Variants in PER3 observed in about 807,000 individuals in gnomAD.
PER3 encodes the protein period circadian regulator 3.
PER3 carries 107 observed loss-of-function variants against 127.2 expected under a neutral mutation model. The ratio of observed to expected loss-of-function variants is 0.84; its 90% confidence interval spans 0.72 to 0.99. The LOEUF is 0.99. PER3 is among the 50% of genes least tolerant of loss of function. The pLI, the probability that PER3 is intolerant of heterozygous loss-of-function variation, is 0.00. For missense variants in PER3, 1,560 were observed against 1,525.8 expected, an observed-to-expected ratio of 1.02 and a Z score of -0.37; for synonymous variants, 618 against 585.8, an observed-to-expected ratio of 1.05 and a Z score of -0.79.
Position 7,842,658 on chromosome 1 carries a change from G to T in PER3, c.3550-14G>T. Reference sequence around the variant, plus strand: ...TGACATCAAGTAACTCGCCTGCTTTGTTCTTTTTTGGAGGCCTGTGTCACT... The same window carrying T: ...TGACATCAAGTAACTCGCCTGCTTTTTTCTTTTTTGGAGGCCTGTGTCACT... On this transcript the variant is annotated splice_polypyrimidine_tract_variant and intron_variant, in intron 21 of 21. Transcript: ENST00000377532. 1 of 1,612,898 alleles carries T rather than the reference G, an allele frequency of 6.2e-7. No individual in the cohort carries two copies. The highest frequency in any genetic ancestry group is 8.5e-7 in the Non-Finnish European group (1 of 1,179,196).
chr1:7,798,094 G>C (rs2097153917), intron 6 of PER3, among the ~76,000 whole-genome samples: 1 of 152,224 alleles, frequency 6.6e-6, no homozygotes, highest in Non-Finnish European at 1.5e-5. Flanking sequence ...TTGGTTCTTA[G>C]AGAGTGTAGA....
At chr1:7,786,685 C>T (rs1049902193) in intron 3 of PER3, 36 bp from the exon 4 acceptor site, 1 of 1,058,494 alleles carries the variant, frequency 9.4e-7, no homozygotes, top group Non-Finnish European at 1.5e-6. Flanking sequence ...ATACTGTTGT[C>T]ACTGGACTAC....
intron 19 of PER3, among the ~76,000 whole-genome samples, chr1:7,835,428 G>A (rs1303702683): frequency 2.6e-5 from 4 of 152,296 alleles, no homozygotes; most frequent in East Asian, 1.9e-4. Context: ...AGACTAAGAC[G>A]TTATTAACAC....
At chr1:7,814,626 A>G (rs1243443242) in intron 13 of PER3, among the ~76,000 whole-genome samples, 1 of 152,230 alleles carries the variant, frequency 6.6e-6, no homozygotes, top group Non-Finnish European at 1.5e-5. Flanking sequence ...ACTTGGATCT[A>G]CACAAAGAAG....
At chr1:7,808,777 TGGAGTCA>T in intron 10 of PER3, 109 bp from the exon 11 acceptor site, 1 of 660,876 alleles carries the variant, frequency 1.5e-6, no homozygotes, top group Non-Finnish European at 2.7e-6. Flanking sequence ...ATTTTTTCTT[TGGAGTCA>T]AAGAATTGTT....
At chr1:7,785,075 C>T (rs2097079811) in intron 2 of PER3, 70 bp downstream of exon 2, 3 of 1,497,688 alleles carry the variant, frequency 2.0e-6, no homozygotes, top group Middle Eastern at 3.5e-4. Context: ...GAAAGGGGGA[C>T]CTAAATCTTT....
Position 7,827,169 on chromosome 1 carries a change from A to G in PER3, c.2240A>G (p.His747Arg), listed in dbSNP as rs1311554459. 6.2e-7 allele frequency: 1 copy of G among 1,612,196 alleles called. No individual in the cohort carries two copies. Among genetic ancestry groups the G allele is most frequent in the South Asian group, 1.1e-5 (1 of 90,858 alleles). The change falls in exon 18 of 22, where the codon CAC becomes CGC. Residue 747 changes from histidine to arginine, a missense_variant. By Grantham distance (29) the His-to-Arg change is conservative. Coordinates refer to ENST00000377532, the MANE Select transcript of PER3 (RefSeq NM_001377275.1). ...TRSAGCRKGK[H>R]KRKKLPEPPD... ...TCGGCCGGCTGCAGGAAAGGGAAGCACAAGCGGAAGAAGCTGCCGGAGCCG... is the reference window on the plus strand; with the variant it reads ...TCGGCCGGCTGCAGGAAAGGGAAGCGCAAGCGGAAGAAGCTGCCGGAGCCG...
At chr1:7,800,674 A>G (rs1042812180) in intron 7 of PER3, among the ~76,000 whole-genome samples, 1 of 152,090 alleles carries the variant, frequency 6.6e-6, no homozygotes, top group African/African-American at 2.4e-5. Flanking sequence ...TAAATGATTT[A>G]TGATGAGCCA....
chr1:7,830,467 C>T (rs1014919723), intron 19 of PER3, among the ~76,000 whole-genome samples: 1 of 152,106 alleles, frequency 6.6e-6, no homozygotes, highest in African/African-American at 2.4e-5. Flanking sequence ...CTGCCCTGAC[C>T]CTTGGTCTCC....
chr1:7,830,486 A>G (rs1002879471), intron 19 of PER3, among the ~76,000 whole-genome samples: 5 of 152,090 alleles, frequency 3.3e-5, no homozygotes, highest in African/African-American at 9.7e-5. Context: ...CCTGGCAGCC[A>G]CTGGTTTGCT....
At chr1:7,795,363 T>C (rs2150569350) in intron 6 of PER3, among the ~76,000 whole-genome samples, 1 of 152,294 alleles carries the variant, frequency 6.6e-6, no homozygotes, top group South Asian at 2.1e-4. Flanking sequence ...CAAATGCCTG[T>C]GTTGGCTGGT....
intron 21 of PER3, among the ~76,000 whole-genome samples, chr1:7,838,012 C>CTA (rs2097366248): frequency 1.3e-5 from 2 of 152,136 alleles, no homozygotes; most frequent in Admixed American, 6.5e-5. Flanking sequence ...CTACAGTGAG[C>CTA]TATGATCTCG....
chr1:7,839,375 A>T (rs568821186), intron 21 of PER3, among the ~76,000 whole-genome samples: 1 of 152,250 alleles, frequency 6.6e-6, no homozygotes, highest in Admixed American at 6.5e-5. Flanking sequence ...TTAAAATAAT[A>T]CTGGATTTTA....
rs117289205 is a variant in PER3 at position 7,811,190 on chromosome 1, C to T, written c.1522+602C>T. ...TAGATTGACATTTAAATTTAGCTAA[C>T]TTTCCCTTCATTTTTCTTCCTGAAT... On this transcript the variant is annotated intron_variant, in intron 13 of 21. Coordinates refer to ENST00000377532, the MANE Select transcript of PER3 (RefSeq NM_001377275.1). Among the ~76,000 whole-genome samples, 86 of 152,316 alleles carry T rather than the reference C, an allele frequency of 5.6e-4. No homozygotes were observed. The East Asian group carries it at 0.015, about 26-fold the overall frequency.
chr1:7,794,269 C>T (rs187063942), intron 6 of PER3, among the ~76,000 whole-genome samples: 13 of 152,166 alleles, frequency 8.5e-5, no homozygotes, highest in East Asian at 3.9e-4. Flanking sequence ...CGGAGGCGGG[C>T]GGATCACAAG....
chr1:7,815,691 TAAA>T (rs1355188433), intron 13 of PER3, among the ~76,000 whole-genome samples: 1 of 151,934 alleles, frequency 6.6e-6, no homozygotes, highest in Admixed American at 6.6e-5. Flanking sequence ...TCAAGGGAAA[TAAA>T]AACATTTTGG....
At chr1:7,830,921 ATTC>A (rs2097328697) in intron 19 of PER3, among the ~76,000 whole-genome samples, 2 of 152,196 alleles carry the variant, frequency 1.3e-5, no homozygotes, top group Admixed American at 6.5e-5. Flanking sequence ...CTTCAACTTA[ATTC>A]TTCTTTTCAA....
chr1:7,794,815 A>G (rs778138442), intron 6 of PER3, among the ~76,000 whole-genome samples: 2 of 151,442 alleles, frequency 1.3e-5, no homozygotes, highest in Non-Finnish European at 2.9e-5. Context: ...TTTATCTTCT[A>G]AATTTGCTGC....
intron 18 of PER3, among the ~76,000 whole-genome samples, chr1:7,829,205 T>C (rs921996428): frequency 6.6e-6 from 1 of 152,178 alleles, no homozygotes; most frequent in African/African-American, 2.4e-5. Context: ...ATACAGTATG[T>C]TTTTTCCTAA....
Sources: gnomAD v4.1 joint callset for allele counts (sites outside exome capture counted in the v4.1 genomes callset) on GRCh38, gnomAD v4.1.1 for gene constraint, MANE v1.5 for transcripts, NCBI Gene and HGNC (gene_info 2026-07-23, HGNC 2026-07-21) for gene names.